Variants in SMARCA4 observed in about 807,000 individuals in gnomAD.
SMARCA4 encodes SWI/SNF related BAF chromatin remodeling complex subunit ATPase 4, also known as SWI/SNF-related matrix-associated actin-dependent regulator of chromatin subfamily A member 4.
In SMARCA4, 31 loss-of-function variants were observed where a neutral mutation model predicts 193.9. That is an observed-to-expected ratio of 0.16 (90% confidence interval 0.12 to 0.22). The LOEUF (loss-of-function observed/expected upper bound fraction) is 0.22, where lower values mean the gene tolerates loss of function less well. Ranked by LOEUF, SMARCA4 falls within the 10% of genes least tolerant of loss-of-function variation. SMARCA4 has a pLI of 1.00. For synonymous variants in SMARCA4, 942 were observed against 933.1 expected, an observed-to-expected ratio of 1.01 and a Z score of -0.17; for missense variants, 1,148 against 2,296.0, an observed-to-expected ratio of 0.50 and a Z score of 10.22.
At chr19:11,026,789 G>A (rs2090293499) in intron 23 of SMARCA4, among the ~76,000 whole-genome samples, 2 of 152,082 alleles carry the variant, frequency 1.3e-5, no homozygotes, top group Non-Finnish European at 2.9e-5. Context: ...GTGAGCCACC[G>A]CGCCCGGCCC....
chr19:10,973,682 G>A (rs1295514802), intron 1 of SMARCA4, among the ~76,000 whole-genome samples: 11 of 150,306 alleles, frequency 7.3e-5, no homozygotes, highest in African/African-American at 2.7e-4. Flanking sequence ...CCATTCTCCT[G>A]CCTCAGCCTC....
intron 1 of SMARCA4, among the ~76,000 whole-genome samples, chr19:10,968,980 G>C (rs2084459630): frequency 6.6e-6 from 1 of 152,268 alleles, no homozygotes; most frequent in East Asian, 1.9e-4. Context: ...CCTTCCTCTT[G>C]ACTCTGCCCT....
intron 21 of SMARCA4, 71 bp downstream of exon 21, chr19:11,024,509 G>T (rs769105507): frequency 1.1e-4 from 110 of 967,174 alleles, no homozygotes; most frequent in Non-Finnish European, 1.8e-4. Context: ...AGGCAGAGCA[G>T]AGCGTGCTCT....
At chr19:11,043,077 G>T (rs540028946) in intron 30 of SMARCA4, among the ~76,000 whole-genome samples, 1 of 152,236 alleles carries the variant, frequency 6.6e-6, no homozygotes, top group South Asian at 2.1e-4. Flanking sequence ...GATCACTTGA[G>T]GTCAGGAGTT....
intron 18 of SMARCA4, chr19:11,021,476 T>C (rs2089861497): frequency 3.2e-6 from 2 of 620,278 alleles, no homozygotes; most frequent in South Asian, 3.3e-5. Context: ...TTTTGCAATT[T>C]GCATTGTTCA....
chr19:10,973,915 G>A (rs913363837), intron 1 of SMARCA4, among the ~76,000 whole-genome samples: 2 of 152,170 alleles, frequency 1.3e-5, no homozygotes, highest in East Asian at 1.9e-4. Context: ...TTGTTTTGTA[G>A]TTCACGCATA....
chr19:11,045,898 A>T (rs1179600982), intron 30 of SMARCA4, among the ~76,000 whole-genome samples: 1 of 152,054 alleles, frequency 6.6e-6, no homozygotes, highest in African/African-American at 2.4e-5. Flanking sequence ...CCTGGCCAAC[A>T]TAGTGAGACT....
chr19:11,040,957 AGT>A (rs957513234), intron 29 of SMARCA4: 6 of 231,090 alleles, frequency 2.6e-5, no homozygotes, highest in African/African-American at 1.4e-4. Context: ...AGATGGGGAG[AGT>A]GTGGAACAGA....
At chr19:11,022,774 T>C (rs1217160562) in intron 19 of SMARCA4, among the ~76,000 whole-genome samples, 1 of 152,166 alleles carries the variant, frequency 6.6e-6, no homozygotes, top group African/African-American at 2.4e-5. Flanking sequence ...ACTCTTCTGA[T>C]GGCGAAACCG....
In SMARCA4 at chr19:10,965,970, GTTTTTTTTT is replaced by G. The variant is rs372236923; in HGVS notation, c.-32+4817_-32+4825del. Among the ~76,000 whole-genome samples the G allele has an allele frequency of 3.8e-5, 3 of 78,984 alleles. No individual in the cohort carries two copies. In the South Asian group the frequency reaches 1.7e-3, roughly 45 times the overall value. The allele number at this position is 78,984 out of a possible 152,430, so 51.8% of individuals were successfully genotyped here. On this transcript the variant is annotated intron_variant, in intron 1 of 34. Transcript: ENST00000344626. ...AAGGGAGAGTGTGTTTAGTGGCATG[GTTTTTTTTT>G]TTTTTTTTTTTTTTTTTTTTGAGGT...
At chr19:11,013,758 T>A (rs1287426127) in intron 16 of SMARCA4, among the ~76,000 whole-genome samples, 1 of 152,054 alleles carries the variant, frequency 6.6e-6, no homozygotes, top group Non-Finnish European at 1.5e-5. Context: ...AGTCTCTACT[T>A]CCTCACTGTG....
intron 29 of SMARCA4, among the ~76,000 whole-genome samples, chr19:11,037,539 A>G (rs1051248045): frequency 6.6e-6 from 1 of 152,224 alleles, no homozygotes; most frequent in Non-Finnish European, 1.5e-5. Context: ...AGTTATTTAC[A>G]AGTGCCTTAT....
chr19:10,975,858 A>G (rs900966425), intron 1 of SMARCA4, among the ~76,000 whole-genome samples: 2 of 152,158 alleles, frequency 1.3e-5, no homozygotes, highest in African/African-American at 4.8e-5. Context: ...CTGGATTCCC[A>G]GGCTCTGTTT....
At chr19:10,991,060 G>A (rs996812142) in intron 7 of SMARCA4, 90 bp from the exon 8 acceptor site, 191 of 1,578,036 alleles carry the variant, frequency 1.2e-4, no homozygotes, top group South Asian at 8.1e-4. Flanking sequence ...CTCCTTTAGC[G>A]GTGAAGCATG....
rs2087817276 is a variant in SMARCA4, at chr19:11,003,156, C to T, written c.1940C>T (p.Pro647Leu). ...CTGGAGGCCTGGCTCGAGATGAACC[C>T]GGGGTGAGTTGGGCCTTGCATTCCA... is the stretch of plus-strand genomic sequence containing the variant. ...GQLEAWLEMN[P>L]GYEVAPRSDS... The change falls in exon 12 of 35, where the codon CCG (proline) becomes CTG (leucine). Residue 647 changes from proline to leucine, a missense_variant. Physicochemically the swap from Pro to Leu is moderately conservative, Grantham distance 98. Around this residue, in one of 17 missense-constraint regions of SMARCA4, gnomAD observed 115 missense variants for 175.1 expected, o/e 0.66. Transcript: ENST00000344626. 6.8e-6 allele frequency: 11 copies of T among 1,613,938 alleles called. No homozygotes were observed. Among genetic ancestry groups the T allele is most frequent in the African/African-American group, 1.3e-5 (1 of 74,884 alleles).
intron 1 of SMARCA4, among the ~76,000 whole-genome samples, chr19:10,970,524 A>G (rs150512979): frequency 1.7e-4 from 26 of 152,304 alleles, no homozygotes; most frequent in Non-Finnish European, 2.1e-4. Context: ...GGCTCATGTC[A>G]TGCTCCCGAG....
At chr19:11,022,921 G>A (rs2089980552) in intron 19 of SMARCA4, among the ~76,000 whole-genome samples, 1 of 152,258 alleles carries the variant, frequency 6.6e-6, no homozygotes, top group South Asian at 2.1e-4. Context: ...AGGATTGCCA[G>A]GGAAGCAATA....
In SMARCA4 at chr19:11,045,048, C is replaced by T. The variant is rs536222393; in HGVS notation, c.4424+3488C>T. On this transcript the variant is annotated intron_variant, in intron 30 of 34. Transcript: ENST00000344626. The stretch of plus-strand genomic sequence containing the variant: ...CTAAAAAGGGCATACTGGCCGGGCA[C>T]GGTGGCTCACGCCTGTAATCCCAGC... Among the ~76,000 whole-genome samples, 8 of 152,324 alleles carry T rather than the reference C, an allele frequency of 5.3e-5. No homozygotes were observed. In the South Asian group the frequency reaches 6.2e-4, roughly 12 times the overall value.
chr19:11,038,759 C>T (rs1254636771), intron 29 of SMARCA4, among the ~76,000 whole-genome samples: 2 of 152,130 alleles, frequency 1.3e-5, no homozygotes, highest in South Asian at 2.1e-4. Flanking sequence ...CCTGGCTCCC[C>T]GGCTGCATTT....
Sources: gnomAD v4.1 joint callset for allele counts (sites outside exome capture counted in the v4.1 genomes callset) on GRCh38, gnomAD v4.1.1 for gene constraint, gnomAD v4.1.1 regional missense constraint, MANE v1.5 for transcripts, NCBI Gene and HGNC (gene_info 2026-07-23, HGNC 2026-07-21) for gene names.